ERAP1: variants seen among roughly 807,000 people sequenced by gnomAD.
ERAP1 encodes endoplasmic reticulum aminopeptidase 1.
A neutral mutation model predicts 103.7 loss-of-function variants in ERAP1; 86 were observed. The observed-to-expected ratio is 0.83, with a 90% CI of 0.70 to 0.99. ERAP1 has a LOEUF of 0.99. Among genes scored for constraint, ERAP1 ranks in the 50% least tolerant of loss-of-function variants. ERAP1 has a pLI of 0.00. For synonymous variants in ERAP1, 398 were observed against 402.4 expected (o/e 0.99, Z 0.13); for missense variants, 1,009 against 1,128.4 (o/e 0.89, Z 1.52).
the ERAP1 span, among the ~76,000 whole-genome samples, chr5:96,889,681 T>C: frequency 6.6e-6 from 1 of 152,144 alleles, no homozygotes; most frequent in African/African-American, 2.4e-5. Flanking sequence ...GGGGTCCACA[T>C]GTCCAAGATG....
the ERAP1 span, among the ~76,000 whole-genome samples, chr5:96,882,711 A>G: frequency 5.3e-5 from 8 of 152,270 alleles, no homozygotes; most frequent in African/African-American, 1.9e-4. Context: ...ATTCCTTTAC[A>G]TTTGCAGAAA....
At chr5:96,852,243 A>G in the ERAP1 span, among the ~76,000 whole-genome samples, 1 of 152,208 alleles carries the variant, frequency 6.6e-6, no homozygotes, top group African/African-American at 2.4e-5. Flanking sequence ...CAGAAATGAC[A>G]TAGATAAAAT....
intron 2 of ERAP1, among the ~76,000 whole-genome samples, chr5:96,801,492 A>G (rs190940366): frequency 5.1e-4 from 77 of 151,624 alleles, no homozygotes; most frequent in African/African-American, 1.7e-3. Context: ...AAGAAAAAGT[A>G]AAAAACAGGG....
the ERAP1 span, among the ~76,000 whole-genome samples, chr5:96,852,148 T>C: frequency 6.6e-6 from 1 of 152,254 alleles, no homozygotes; most frequent in South Asian, 2.1e-4. Context: ...AACACCCACT[T>C]CTATTATTTT....
intron 1 of ERAP1, among the ~76,000 whole-genome samples, chr5:96,805,220 A>G (rs766309935): frequency 6.6e-6 from 1 of 152,096 alleles, no homozygotes; most frequent in Non-Finnish European, 1.5e-5. Context: ...CTGGCTGCAT[A>G]TTAATGTAAC....
the ERAP1 span, among the ~76,000 whole-genome samples, chr5:96,885,461 A>G: frequency 6.6e-6 from 1 of 152,230 alleles, no homozygotes; most frequent in Non-Finnish European, 1.5e-5. Flanking sequence ...TTTTATCAGT[A>G]CCTTCCTCTT....
the ERAP1 span, among the ~76,000 whole-genome samples, chr5:96,920,273 C>T: frequency 2.0e-5 from 3 of 150,866 alleles, no homozygotes; most frequent in African/African-American, 4.9e-5. Context: ...CCACTGCACT[C>T]CAGCCTGGGT....
chr5:96,795,670 T>G (rs1252289694), intron 4 of ERAP1, among the ~76,000 whole-genome samples: 1 of 152,172 alleles, frequency 6.6e-6, no homozygotes, highest in Non-Finnish European at 1.5e-5. Context: ...AAACTAGAAA[T>G]AACTACCCTT....
Position 96,790,521 on chromosome 5 carries a change from A to T in ERAP1, c.1443T>A (p.Ser481Arg). The T allele has an allele frequency of 6.2e-7, 1 of 1,613,954 alleles. No homozygotes were observed. Among genetic ancestry groups the T allele is most frequent in the Non-Finnish European group, 8.5e-7 (1 of 1,179,894 alleles). ...KNTKNEDLWD[S>R]MASICPTDGV... is the part of the protein sequence containing the mutation. ...TCAAAAACATACTCACACTTGCCATACTATCCCACAGGTCCTCGTTTTTTG... is the reference window on the plus strand; with the variant it reads ...TCAAAAACATACTCACACTTGCCATTCTATCCCACAGGTCCTCGTTTTTTG... The change falls in exon 9 of 19, where the codon AGT becomes AGA. Residue 481 changes from serine to arginine, a missense_variant. Transcript: ENST00000443439.
chr5:96,803,139 T>C (rs1263863017), intron 2 of ERAP1, among the ~76,000 whole-genome samples: 1 of 152,156 alleles, frequency 6.6e-6, no homozygotes, highest in East Asian at 1.9e-4. Flanking sequence ...ACATGTTTAT[T>C]ATGTCTCAGA....
chr5:96,820,410 T>G, the ERAP1 span, among the ~76,000 whole-genome samples: 1 of 152,200 alleles, frequency 6.6e-6, no homozygotes, highest in Admixed American at 6.5e-5. Flanking sequence ...TTATTTTGTA[T>G]GTCATACTTC....
chr5:96,790,334 C>G lies in ERAP1; in HGVS notation c.1486G>C (p.Gly496Arg). 1.1e-5 allele frequency: 18 copies of G among 1,614,072 alleles called. No individual in the cohort carries two copies. Among genetic ancestry groups the G allele is most frequent in the Non-Finnish European group, 1.5e-5 (18 of 1,179,988 alleles). Residue 496 changes from glycine to arginine, a missense_variant, in exon 10 of 19, where the codon GGC (glycine) becomes CGC (arginine). Gly to Arg is a moderately radical substitution (Grantham distance 125). Transcript: ENST00000443439. ...GAATGTTGACTTCTAGAGCAAAAGC[C>G]ATCCATCCCTTTTACACCATCTGTA... is the stretch of plus-strand genomic sequence containing the variant. Reference protein sequence around the residue: ...CPTDGVKGMDGFCSRSQHSSS... With the variant: ...CPTDGVKGMDRFCSRSQHSSS...
intron 8 of ERAP1, among the ~76,000 whole-genome samples, chr5:96,791,746 G>T (rs961585460): frequency 1.3e-5 from 2 of 152,194 alleles, no homozygotes; most frequent in Non-Finnish European, 2.9e-5. Context: ...CTACACGAGG[G>T]CAGGAATTTT....
intron 4 of ERAP1, among the ~76,000 whole-genome samples, chr5:96,796,846 T>C (rs1777394113): frequency 6.6e-6 from 1 of 152,194 alleles, no homozygotes; most frequent in African/African-American, 2.4e-5. Flanking sequence ...TTGCCCAGGC[T>C]GGAGTGCACA....
the ERAP1 span, chr5:96,873,402 A>G: frequency 2.2e-6 from 1 of 455,996 alleles, no homozygotes; most frequent in African/African-American, 2.0e-5. Context: ...CGAAACACAA[A>G]CTTGTTAGCC....
chr5:96,785,683 C>T, intron 13 of ERAP1, 105 bp downstream of exon 13: 1 of 1,297,034 alleles, frequency 7.7e-7, no homozygotes, highest in Non-Finnish European at 1.1e-6. Flanking sequence ...AAACACCTTT[C>T]AACTTCTTGT....
At chr5:96,915,011 A>T in the ERAP1 span, among the ~76,000 whole-genome samples, 26 of 151,866 alleles carry the variant, frequency 1.7e-4, no homozygotes, top group South Asian at 1.2e-3. Flanking sequence ...TTTTTTAATT[A>T]ATTTATTTTT....
At chr5:96,913,220 T>A in the ERAP1 span, 10 of 935,412 alleles carry the variant, frequency 1.1e-5, no homozygotes, top group African/African-American at 1.5e-4. Flanking sequence ...TTATCATGCC[T>A]CTTTCTGTTC....
the ERAP1 span, among the ~76,000 whole-genome samples, chr5:96,860,250 C>T: frequency 6.6e-6 from 1 of 152,016 alleles, no homozygotes; most frequent in East Asian, 1.9e-4. Context: ...GACGGAGTTT[C>T]ACCATGTTGG....
Sources: gnomAD v4.1 joint callset for allele counts (sites outside exome capture counted in the v4.1 genomes callset) on GRCh38, gnomAD v4.1.1 for gene constraint, MANE v1.5 for transcripts, NCBI Gene and HGNC (gene_info 2026-07-23, HGNC 2026-07-21) for gene names.